Variants in FERRY3 observed in about 807,000 individuals in gnomAD.
FERRY3 encodes the protein protein C12orf4.
At chr12:4,528,928 CACACACACACAA>C in the FERRY3 span, among the ~76,000 whole-genome samples, 168 of 147,462 alleles carry the variant, frequency 1.1e-3, 2 homozygotes, top group African/African-American at 4.2e-3. Flanking sequence ...CACACACACA[CACACACACACAA>C]ACAAAAGTGA....
the FERRY3 span, chr12:4,500,127 TA>T: frequency 6.2e-7 from 1 of 1,601,800 alleles, no homozygotes; most frequent in Non-Finnish European, 8.6e-7. Context: ...AGGATTTTTC[TA>T]TCTGCTTACC....
chr12:4,504,436 G>C, the FERRY3 span, among the ~76,000 whole-genome samples: 1 of 152,190 alleles, frequency 6.6e-6, no homozygotes, highest in Non-Finnish European at 1.5e-5. Flanking sequence ...CAATCAGAAA[G>C]AGGATTGAGA....
chr12:4,528,900 CACACACACA>C, the FERRY3 span, among the ~76,000 whole-genome samples: 4,170 of 91,918 alleles, frequency 0.045, 160 homozygotes, highest in African/African-American at 0.13. Flanking sequence ...ATCAGTTACA[CACACACACA>C]CACACACACA....
the FERRY3 span, among the ~76,000 whole-genome samples, chr12:4,533,638 ATTAT>A: frequency 6.6e-6 from 1 of 152,202 alleles, no homozygotes; most frequent in Admixed American, 6.5e-5. Flanking sequence ...AACAGGGTAT[ATTAT>A]TTAAATAGAA....
At chr12:4,521,487 C>T in the FERRY3 span, among the ~76,000 whole-genome samples, 9 of 151,600 alleles carry the variant, frequency 5.9e-5, no homozygotes, top group Non-Finnish European at 1.0e-4. Context: ...GATATTGGGA[C>T]GAAAAGAAAG....
chr12:4,538,352 A>C, the FERRY3 span: 1 of 153,314 alleles, frequency 6.5e-6, no homozygotes, highest in Non-Finnish European at 1.5e-5. Context: ...GAGGGGACTA[A>C]TCCCTCTGTA....
At chr12:4,495,981 C>A in the FERRY3 span, among the ~76,000 whole-genome samples, 1 of 152,184 alleles carries the variant, frequency 6.6e-6, no homozygotes, top group Non-Finnish European at 1.5e-5. Flanking sequence ...TATAAACTCT[C>A]ATATTCAGTA....
At chr12:4,501,973 A>G in the FERRY3 span, among the ~76,000 whole-genome samples, 1 of 152,246 alleles carries the variant, frequency 6.6e-6, no homozygotes, top group African/African-American at 2.4e-5. Flanking sequence ...CACTCCAGTT[A>G]CATATGCTTT....
the FERRY3 span, among the ~76,000 whole-genome samples, chr12:4,506,669 G>C: frequency 6.6e-6 from 1 of 152,042 alleles, no homozygotes; most frequent in Non-Finnish European, 1.5e-5. Context: ...CCCTTTCCAT[G>C]TTTTCATGGC....
At chr12:4,510,255 A>G in the FERRY3 span, among the ~76,000 whole-genome samples, 1 of 148,904 alleles carries the variant, frequency 6.7e-6, no homozygotes, top group Non-Finnish European at 1.5e-5. Context: ...TGAAAAGACC[A>G]AATCTATGTC....
chr12:4,512,734 C>T, the FERRY3 span, among the ~76,000 whole-genome samples: 2 of 109,290 alleles, frequency 1.8e-5, no homozygotes, highest in African/African-American at 7.6e-5. Context: ...ATTGATGGGA[C>T]GTATTTCAAA....
the FERRY3 span, among the ~76,000 whole-genome samples, chr12:4,523,514 G>A: frequency 2.6e-4 from 40 of 152,292 alleles, no homozygotes; most frequent in Admixed American, 1.3e-3. Flanking sequence ...GCACATGTAC[G>A]TTTATTGCGG....
chr12:4,536,338 G>T, the FERRY3 span: 1 of 475,454 alleles, frequency 2.1e-6, no homozygotes. Context: ...AATTATTCTA[G>T]TTTTTCCCAA....
the FERRY3 span, among the ~76,000 whole-genome samples, chr12:4,511,288 A>G: frequency 6.6e-6 from 1 of 151,142 alleles, no homozygotes; most frequent in Non-Finnish European, 1.5e-5. Context: ...CACATTAATA[A>G]TGGGAGACTT....
chr12:4,517,698 T>C, the FERRY3 span, among the ~76,000 whole-genome samples: 47 of 141,824 alleles, frequency 3.3e-4, no homozygotes, highest in Admixed American at 3.0e-3. Flanking sequence ...TATATATATA[T>C]ATATATATAG....
At chr12:4,532,900 G>A in the FERRY3 span, among the ~76,000 whole-genome samples, 28 of 152,154 alleles carry the variant, frequency 1.8e-4, no homozygotes, top group Admixed American at 1.2e-3. Flanking sequence ...GCCTGCAGTC[G>A]GGCTTTAGAG....
the FERRY3 span, chr12:4,488,968 CG>C: frequency 1.3e-5 from 2 of 151,934 alleles, no homozygotes. The surrounding 1 kb of genome is among the most constrained non-coding windows in gnomAD (Gnocchi z 4.9). Context: ...TACATTTATC[CG>C]CAAAAAAATG....
the FERRY3 span, among the ~76,000 whole-genome samples, chr12:4,529,100 C>T: frequency 6.6e-6 from 1 of 152,022 alleles, no homozygotes; most frequent in Non-Finnish European, 1.5e-5. Context: ...AGGACACATC[C>T]TGAATTCCTA....
chr12:4,517,054 T>C, the FERRY3 span: 4 of 1,534,106 alleles, frequency 2.6e-6, no homozygotes, highest in African/African-American at 5.5e-5. Context: ...AAGTGAGTTT[T>C]ACCCACCAAG....
Sources: allele counts gnomAD v4.1 joint callset (sites outside exome capture counted in the v4.1 genomes callset), GRCh38; gene constraint gnomAD v4.1.1; non-coding constraint Gnocchi (gnomAD v3.1); transcripts MANE v1.5; gene names NCBI Gene and HGNC (gene_info 2026-07-23, HGNC 2026-07-21).